The following WWOX variants were observed in gnomAD, a reference collection of about 807,000 sequenced individuals.
The protein encoded by WWOX is WW domain containing oxidoreductase, also known as WW domain-containing oxidoreductase.
In WWOX, 69 loss-of-function variants were observed where a neutral mutation model predicts 46.2. The observed-to-expected ratio is 1.49, with a 90% CI of 1.23 to 1.82. The LOEUF (loss-of-function observed/expected upper bound fraction) is 1.82, where lower values mean the gene tolerates loss of function less well. Ranked by LOEUF, WWOX falls within the 40% of genes most tolerant of loss-of-function variation. WWOX has a pLI of 0.00. For missense variants in WWOX, 919 were observed against 542.6 expected, an observed-to-expected ratio of 1.69 and a Z score of -6.89; for synonymous variants, 359 against 202.6, an observed-to-expected ratio of 1.77 and a Z score of -6.56.
chr16:78,612,574 C>G (rs1262397101), intron 8 of WWOX, among the ~76,000 whole-genome samples: 2 of 152,218 alleles, frequency 1.3e-5, no homozygotes, highest in African/African-American at 2.4e-5. Context: ...CTCATGGGCT[C>G]AAGCATTCCT....
rs1013158851 is a variant in WWOX at position 78,567,341 on chromosome 16, C to G, written c.1056+134589C>G. 4.0e-5 allele frequency among the ~76,000 whole-genome samples: 6 copies of G among 151,146 alleles called. No individual in the cohort carries two copies. The East Asian group carries it at 5.9e-4, about 15-fold the overall frequency. On this transcript the variant is annotated intron_variant, in intron 8 of 8. Transcript: ENST00000566780. Reference sequence around the variant, plus strand: ...TGGGTGGATCACGAGGTCAGGAGATCGAGACCATCCTGGTTAACACCGTAA... The same window carrying G: ...TGGGTGGATCACGAGGTCAGGAGATGGAGACCATCCTGGTTAACACCGTAA...
At chr16:78,244,283 G>A (rs1195051870) in intron 5 of WWOX, among the ~76,000 whole-genome samples, 2 of 152,220 alleles carry the variant, frequency 1.3e-5, no homozygotes, top group Admixed American at 6.5e-5. Flanking sequence ...GGCACATAAG[G>A]AAGTGGTCAG....
chr16:78,751,028 A>G (rs1392938895), intron 8 of WWOX, among the ~76,000 whole-genome samples: 1 of 152,142 alleles, frequency 6.6e-6, no homozygotes, highest in Non-Finnish European at 1.5e-5. Flanking sequence ...TTGCTAGGTC[A>G]AATGGTAATT....
chr16:79,052,038 A>AT (rs200049742), intron 8 of WWOX, among the ~76,000 whole-genome samples: 76,224 of 145,466 alleles, frequency 0.52, 19,681 homozygotes, highest in African/African-American at 0.57. Context: ...TTTTATTTTA[A>AT]TTTTTTTTTT....
At chr16:78,630,318 A>T (rs937787237) in intron 8 of WWOX, among the ~76,000 whole-genome samples, 3 of 152,128 alleles carry the variant, frequency 2.0e-5, no homozygotes, top group African/African-American at 7.2e-5. Context: ...GGAACTTGGA[A>T]TTTAGGAGGG....
intron 8 of WWOX, among the ~76,000 whole-genome samples, chr16:78,597,242 T>C (rs2151611400): frequency 6.6e-6 from 1 of 152,320 alleles, no homozygotes; most frequent in East Asian, 1.9e-4. Context: ...GCTGTTTCCA[T>C]TGCTTTTTCA....
intron 8 of WWOX, among the ~76,000 whole-genome samples, chr16:79,155,276 C>T (rs917374960): frequency 2.6e-5 from 4 of 151,820 alleles, no homozygotes; most frequent in South Asian, 4.2e-4. Flanking sequence ...CTCGGGAGGC[C>T]GAGGCAGGAG....
chr16:79,039,794 G>C (rs1221978720), intron 8 of WWOX, among the ~76,000 whole-genome samples: 1 of 152,146 alleles, frequency 6.6e-6, no homozygotes, highest in Non-Finnish European at 1.5e-5. Context: ...TCCCTTCTCT[G>C]AACCTTTTTG....
rs147104524 is a variant in WWOX, at chr16:78,869,759, C to G, written c.1057-341849C>G. On this transcript the variant is annotated intron_variant, in intron 8 of 8. Transcript: ENST00000566780. ...TTCTAGTTTCTAAACAACAATAAGT[C>G]TTGCTCGCAGATAGCCTCTTAGCAG... Among the ~76,000 whole-genome samples, 119 of 152,326 alleles carry G rather than the reference C, an allele frequency of 7.8e-4. No homozygotes were observed. The East Asian group carries it at 0.022, about 28-fold the overall frequency.
intron 8 of WWOX, among the ~76,000 whole-genome samples, chr16:79,162,745 G>A (rs751531031): frequency 7.2e-5 from 11 of 152,154 alleles, no homozygotes; most frequent in Non-Finnish European, 1.6e-4. Flanking sequence ...AGACAAAAGG[G>A]CATCCTGCAA....
intron 8 of WWOX, among the ~76,000 whole-genome samples, chr16:79,211,040 T>A (rs200577639): frequency 0.08 from 11,616 of 146,068 alleles, 645 homozygotes; most frequent in African/African-American, 0.17. Context: ...GAGGAGTGTG[T>A]GTGTGTGTGT....
Position 79,023,025 on chromosome 16 carries a change from C to G in WWOX, c.1057-188583C>G, listed in dbSNP as rs1372104365. ...CGTGGTACTGTGTATATAGCCAGCA[C>G]TCACTGCTGTTGGCTTATTGAAAAA... On this transcript the variant is annotated intron_variant, in intron 8 of 8. Coordinates refer to ENST00000566780, the MANE Select transcript of WWOX (RefSeq NM_016373.4). Among the ~76,000 whole-genome samples the G allele has an allele frequency of 2.6e-5, 4 of 152,018 alleles. No individual in the cohort carries two copies. The East Asian group carries it at 7.7e-4, about 29-fold the overall frequency.
chr16:78,911,549 AAT>A (rs2045111740), intron 8 of WWOX, among the ~76,000 whole-genome samples: 2 of 151,934 alleles, frequency 1.3e-5, no homozygotes, highest in Non-Finnish European at 2.9e-5. Context: ...CTCTTAGGAA[AAT>A]TCTCCCCAGT....
chr16:78,782,417 C>T (rs1018427043), intron 8 of WWOX, among the ~76,000 whole-genome samples: 2 of 152,196 alleles, frequency 1.3e-5, no homozygotes, highest in African/African-American at 4.8e-5. Context: ...GTAGAGCTCT[C>T]TTATGCTGGG....
chr16:78,982,219 A>G (rs16949136), intron 8 of WWOX, among the ~76,000 whole-genome samples: 18,695 of 152,284 alleles, frequency 0.12, 1,449 homozygotes, highest in East Asian at 0.29. Context: ...AAATAGGAAC[A>G]TGAATTTGCA....
At chr16:78,936,825 G>A (rs1166463774) in intron 8 of WWOX, among the ~76,000 whole-genome samples, 2 of 152,142 alleles carry the variant, frequency 1.3e-5, no homozygotes, top group African/African-American at 4.8e-5. Flanking sequence ...ATCCATCGCT[G>A]TCAGGCTCAC....
At chr16:78,847,380 G>T (rs2052326744) in intron 8 of WWOX, among the ~76,000 whole-genome samples, 1 of 151,786 alleles carries the variant, frequency 6.6e-6, no homozygotes, top group Non-Finnish European at 1.5e-5. Flanking sequence ...TCCATTATTT[G>T]TTCATATATT....
At chr16:78,664,679 G>T (rs2047290128) in intron 8 of WWOX, among the ~76,000 whole-genome samples, 1 of 152,186 alleles carries the variant, frequency 6.6e-6, no homozygotes, top group Non-Finnish European at 1.5e-5. Context: ...CAAGCATGCC[G>T]AACGGCCAGC....
intron 8 of WWOX, among the ~76,000 whole-genome samples, chr16:78,545,376 C>T (rs534105875): frequency 6.6e-6 from 1 of 150,530 alleles, no homozygotes; most frequent in Non-Finnish European, 1.5e-5. Flanking sequence ...TAATCCATTT[C>T]TTTTAAAAAA....
Sources: allele counts gnomAD v4.1 joint callset (sites outside exome capture counted in the v4.1 genomes callset), GRCh38; gene constraint gnomAD v4.1.1; transcripts MANE v1.5; gene names NCBI Gene and HGNC (gene_info 2026-07-23, HGNC 2026-07-21).